The following MECOM variants were observed in gnomAD, a reference collection of about 807,000 sequenced individuals.
MECOM encodes the protein MDS1 and EVI1 complex locus.
MECOM carries 13 observed loss-of-function variants against 116.3 expected under a neutral mutation model. That is an observed-to-expected ratio of 0.11 (90% CI 0.07 to 0.18). The LOEUF (loss-of-function observed/expected upper bound fraction) is 0.18, where lower values mean the gene tolerates loss of function less well. MECOM is among the 10% of genes least tolerant of loss of function. MECOM has a pLI of 1.00. For missense variants in MECOM, 1,299 were observed against 1,509.0 expected (o/e 0.86, Z 2.31); for synonymous variants, 528 against 535.2 (o/e 0.99, Z 0.19).
At chr3:169,544,026 C>T (rs1312359949) in intron 1 of MECOM, among the ~76,000 whole-genome samples, 1 of 152,224 alleles carries the variant, frequency 6.6e-6, no homozygotes, top group Non-Finnish European at 1.5e-5. Flanking sequence ...GCTGGGATTA[C>T]AGGCATGTGC....
At chr3:169,096,352 C>A (rs1358348809) in intron 12 of MECOM, among the ~76,000 whole-genome samples, 1 of 151,642 alleles carries the variant, frequency 6.6e-6, no homozygotes, top group Non-Finnish European at 1.5e-5. Flanking sequence ...CTCGCTGCAA[C>A]CTCTGCCTCC....
chr3:169,573,842 A>T (rs1337110869), intron 1 of MECOM, among the ~76,000 whole-genome samples: 1 of 152,206 alleles, frequency 6.6e-6, no homozygotes, highest in Non-Finnish European at 1.5e-5. Flanking sequence ...TCCTATGAAG[A>T]TATGTTAAAG....
chr3:169,419,347 C>T (rs1225709992), intron 1 of MECOM, among the ~76,000 whole-genome samples: 4 of 152,076 alleles, frequency 2.6e-5, no homozygotes, highest in African/African-American at 7.2e-5. Flanking sequence ...TCAATGTTAT[C>T]CCCATCAGGC....
intron 2 of MECOM, among the ~76,000 whole-genome samples, chr3:169,290,656 C>A (rs1714364167): frequency 6.6e-6 from 1 of 152,098 alleles, no homozygotes; most frequent in Admixed American, 6.6e-5. Context: ...GGTGACTTAA[C>A]CAATAAACTC....
intron 1 of MECOM, among the ~76,000 whole-genome samples, chr3:169,518,295 G>A (rs1275530857): frequency 6.6e-6 from 1 of 152,060 alleles, no homozygotes; most frequent in Non-Finnish European, 1.5e-5. Flanking sequence ...CAGTTGACAG[G>A]TATAGTACTG....
intron 2 of MECOM, among the ~76,000 whole-genome samples, chr3:169,244,478 A>AT (rs1003287249): frequency 6.6e-6 from 1 of 151,898 alleles, no homozygotes; most frequent in Non-Finnish European, 1.5e-5. Flanking sequence ...AGGCGATCTA[A>AT]TTTTTTTCCC....
intron 1 of MECOM, among the ~76,000 whole-genome samples, chr3:169,535,734 C>T (rs1759275502): frequency 6.6e-6 from 1 of 152,188 alleles, no homozygotes; most frequent in Non-Finnish European, 1.5e-5. Flanking sequence ...TTGGTCACTG[C>T]TTTATCCCCA....
At chr3:169,623,306 T>G (rs1375646115) in intron 1 of MECOM, among the ~76,000 whole-genome samples, 1 of 152,244 alleles carries the variant, frequency 6.6e-6, no homozygotes, top group Non-Finnish European at 1.5e-5. Context: ...TCTTATTCAT[T>G]TATTCTAGTT....
intron 1 of MECOM, among the ~76,000 whole-genome samples, chr3:169,411,959 C>T (rs984645339): frequency 6.6e-6 from 1 of 152,008 alleles, no homozygotes; most frequent in Non-Finnish European, 1.5e-5. Flanking sequence ...CCACTGCACT[C>T]CAGCCTGTGC....
At chr3:169,244,556 G>A (rs1755333624) in intron 2 of MECOM, among the ~76,000 whole-genome samples, 1 of 152,180 alleles carries the variant, frequency 6.6e-6, no homozygotes, top group South Asian at 2.1e-4. Flanking sequence ...CACCCAAGCT[G>A]TGGGGATTCG....
intron 2 of MECOM, among the ~76,000 whole-genome samples, chr3:169,252,255 G>A (rs784286): frequency 0.58 from 88,656 of 151,816 alleles, 26,280 homozygotes; most frequent in Middle Eastern, 0.74. Flanking sequence ...TTGACAAATA[G>A]GAGTATAAAT....
At chr3:169,362,393 C>T (rs1728449511) in intron 2 of MECOM, among the ~76,000 whole-genome samples, 1 of 151,818 alleles carries the variant, frequency 6.6e-6, no homozygotes, top group East Asian at 1.9e-4. Context: ...ATGACTTTTC[C>T]AAGTTCCCAA....
intron 2 of MECOM, among the ~76,000 whole-genome samples, chr3:169,355,178 A>G (rs1017234808): frequency 6.6e-6 from 1 of 151,994 alleles, no homozygotes; most frequent in African/African-American, 2.4e-5. Context: ...GCAGCGAAAC[A>G]TATTCTAAAT....
chr3:169,349,263 G>A (rs1169800511), intron 2 of MECOM, among the ~76,000 whole-genome samples: 2 of 151,422 alleles, frequency 1.3e-5, no homozygotes, highest in African/African-American at 2.4e-5. Flanking sequence ...TTTAAACTTG[G>A]CATGTTTCTC....
chr3:169,322,174 C>T (rs1367732260), intron 2 of MECOM, among the ~76,000 whole-genome samples: 1 of 152,146 alleles, frequency 6.6e-6, no homozygotes, highest in Admixed American at 6.6e-5. Context: ...AACTGAATCT[C>T]GTGTGTGTTT....
intron 2 of MECOM, among the ~76,000 whole-genome samples, chr3:169,173,288 G>A (rs1020241341): frequency 2.6e-5 from 4 of 151,994 alleles, no homozygotes; most frequent in African/African-American, 9.7e-5. Flanking sequence ...TCTGCTAGCT[G>A]AGGAAATGCT....
chr3:169,316,600 G>C lies in MECOM; in HGVS notation c.375+64587C>G, dbSNP rs144876135. The stretch of plus-strand genomic sequence containing the variant: ...GGGTCTCATTCTGTCACCCAGACTG[G>C]AGTGCAGTAGCATGATCATGGCTCA... On this transcript the variant is annotated intron_variant, in intron 2 of 16. Transcript: ENST00000651503. Among the ~76,000 whole-genome samples the C allele has an allele frequency of 2.9e-3, 449 of 152,294 alleles. 1 individual carries two copies. Among genetic ancestry groups the C allele is most frequent in the African/African-American group, 9.5e-3 (394 of 41,576 alleles).
chr3:169,433,657 G>GAAAGAA (rs777383524), intron 1 of MECOM, among the ~76,000 whole-genome samples: 6 of 133,458 alleles, frequency 4.5e-5, no homozygotes, highest in African/African-American at 1.7e-4. Context: ...AAGAAAGAAA[G>GAAAGAA]AAAGAAAGAA....
At chr3:169,630,948 G>T (rs1366943856) in intron 1 of MECOM, among the ~76,000 whole-genome samples, 1 of 152,182 alleles carries the variant, frequency 6.6e-6, no homozygotes, top group Non-Finnish European at 1.5e-5. Flanking sequence ...ATGAGACTTT[G>T]CCCAGCCTGT....
Sources: allele counts gnomAD v4.1 joint callset (sites outside exome capture counted in the v4.1 genomes callset), GRCh38; gene constraint gnomAD v4.1.1; transcripts MANE v1.5; gene names NCBI Gene and HGNC (gene_info 2026-07-23, HGNC 2026-07-21).